SIK3: variants seen among roughly 807,000 people sequenced by gnomAD.
SIK3 encodes the protein SIK family kinase 3.
Under a neutral mutation model 144.2 loss-of-function variants are expected in SIK3, and 28 were observed. The observed-to-expected ratio is 0.19, with a 90% CI of 0.14 to 0.27. SIK3 has a LOEUF of 0.27. Ranked by LOEUF, SIK3 falls within the 10% of genes least tolerant of loss-of-function variation. The pLI, the probability that SIK3 is intolerant of heterozygous loss-of-function variation, is 1.00. For synonymous variants in SIK3, 686 were observed against 676.3 expected (o/e 1.01, Z -0.22); for missense variants, 1,319 against 1,776.0 (o/e 0.74, Z 4.62).
At chr11:116,941,319 T>C (rs1479097951) in intron 3 of SIK3, among the ~76,000 whole-genome samples, 3 of 152,114 alleles carry the variant, frequency 2.0e-5, no homozygotes, top group Admixed American at 2.0e-4. Context: ...AATACCTTTT[T>C]TAATAATCAA....
chr11:116,847,324 C>T lies in SIK3; in HGVS notation c.3952+152G>A, dbSNP rs914251687. 1.5e-5 allele frequency: 16 copies of T among 1,066,892 alleles called. No homozygotes were observed. The Admixed American group carries it at 3.1e-4, about 21-fold the overall frequency. 66.1% of individuals were successfully genotyped at this position (1,066,892 alleles called of 1,614,324 possible). The stretch of plus-strand genomic sequence containing the variant: ...TTACACACCCACACTCAGGGAAGAC[C>T]AGTGGGGAAAGGGGCTGTGTCCAGA... On this transcript the variant is annotated intron_variant, in intron 23 of 24. Coordinates refer to ENST00000445177, the MANE Select transcript of SIK3 (RefSeq NM_001366686.3).
At chr11:117,049,582 A>C (rs1329097551) in intron 1 of SIK3, among the ~76,000 whole-genome samples, 1 of 152,194 alleles carries the variant, frequency 6.6e-6, no homozygotes, top group African/African-American at 2.4e-5. Context: ...CATCTCAAAA[A>C]AAAAGAAAGA....
At chr11:117,058,411 T>A (rs1294050517) in intron 1 of SIK3, among the ~76,000 whole-genome samples, 1 of 150,902 alleles carries the variant, frequency 6.6e-6, no homozygotes, top group East Asian at 2.0e-4. Context: ...TCCCAGCTAC[T>A]CAGGAGGCTG....
chr11:116,876,498 A>G lies in SIK3; in HGVS notation c.985-135T>C, dbSNP rs1944262546. On this transcript the variant is annotated intron_variant, in intron 7 of 24. Coordinates refer to ENST00000445177, the MANE Select transcript of SIK3 (RefSeq NM_001366686.3). ...TGGCCTCAGACAAAGTCTAAGGAAG[A>G]GAGCCCTGAGTGATCAGCTGTAAAC... The G allele has an allele frequency of 5.6e-6, 4 of 717,386 alleles. No individual in the cohort carries two copies. In the Admixed American group the frequency reaches 9.3e-5, roughly 17 times the overall value. 44.4% of individuals were successfully genotyped at this position (717,386 alleles called of 1,614,324 possible).
intron 4 of SIK3, among the ~76,000 whole-genome samples, chr11:116,913,375 A>C (rs367889947): frequency 6.6e-6 from 1 of 152,264 alleles, no homozygotes; most frequent in East Asian, 1.9e-4. Flanking sequence ...TGAGTGACTT[A>C]TGTATTTTTA....
chr11:116,908,461 GGAGT>G (rs997203289), intron 4 of SIK3, among the ~76,000 whole-genome samples: 7 of 151,908 alleles, frequency 4.6e-5, no homozygotes, highest in Non-Finnish European at 7.4e-5. Flanking sequence ...CCTGGGTGAT[GGAGT>G]GAGACCCTAT....
chr11:117,027,784 T>C (rs866573426), intron 1 of SIK3, among the ~76,000 whole-genome samples: 3 of 152,082 alleles, frequency 2.0e-5, no homozygotes, highest in Non-Finnish European at 4.4e-5. Flanking sequence ...GGCTGTTTTC[T>C]AAAACTGACT....
At chr11:116,870,468 A>G (rs1943909909) in intron 13 of SIK3, 67 bp from the exon 14 acceptor site, 1 of 1,607,584 alleles carries the variant, frequency 6.2e-7, no homozygotes, top group Non-Finnish European at 8.5e-7. Context: ...TACTCTAGTA[A>G]CTGGGCTTGG....
intron 1 of SIK3, among the ~76,000 whole-genome samples, chr11:116,976,324 A>G (rs576361081): frequency 7.1e-4 from 108 of 152,340 alleles, no homozygotes; most frequent in African/African-American, 2.5e-3. Context: ...TCTTCTCTTC[A>G]TAAATGTGAG....
chr11:116,963,979 G>A (rs1004269202), intron 1 of SIK3, among the ~76,000 whole-genome samples: 4 of 152,066 alleles, frequency 2.6e-5, no homozygotes, highest in Admixed American at 6.5e-5. Flanking sequence ...GATTAATAAC[G>A]TGCCACATGA....
chr11:116,945,356 T>C (rs1948531357), intron 3 of SIK3, among the ~76,000 whole-genome samples: 1 of 149,036 alleles, frequency 6.7e-6, no homozygotes, highest in Non-Finnish European at 1.5e-5. Context: ...TTCAACTTCA[T>C]CTAGACCTGT....
At chr11:116,939,883 G>T (rs1241061746) in intron 3 of SIK3, among the ~76,000 whole-genome samples, 2 of 152,086 alleles carry the variant, frequency 1.3e-5, no homozygotes, top group East Asian at 3.8e-4. Context: ...TAAAAATTTA[G>T]ATTATAAAAA....
chr11:116,866,029 A>C (rs1011981126), intron 15 of SIK3, among the ~76,000 whole-genome samples: 3 of 152,208 alleles, frequency 2.0e-5, no homozygotes, highest in African/African-American at 4.8e-5. Context: ...GACAGCAGAT[A>C]GATTTCCAGC....
chr11:117,064,748 T>C (rs1953935096), intron 1 of SIK3, among the ~76,000 whole-genome samples: 1 of 152,226 alleles, frequency 6.6e-6, no homozygotes, highest in Non-Finnish European at 1.5e-5. Flanking sequence ...CAAATTGAGC[T>C]CTCTTCAAAC....
Position 116,873,993 on chromosome 11 carries a change from A to T in SIK3, c.1491T>A (p.Ala497=), listed in dbSNP as rs1474158960. Residue 497 remains alanine, a synonymous_variant, in exon 12 of 25, where the codon GCT becomes GCA. Transcript: ENST00000445177. The stretch of plus-strand genomic sequence containing the variant: ...CATTAGGGGCCACCTGCAGGAATGG[A>T]GCCTGGGGGTTGACTCCAGGAAAGC... ...LPGFPGVNPQ[A]PFLQVAPNVN... 6.2e-7 allele frequency: 1 copy of T among 1,614,098 alleles called. No individual in the cohort carries two copies. Among genetic ancestry groups the T allele is most frequent in the South Asian group, 1.1e-5 (1 of 91,074 alleles).
intron 4 of SIK3, among the ~76,000 whole-genome samples, chr11:116,908,086 T>C (rs1055894836): frequency 5.9e-5 from 9 of 151,674 alleles, no homozygotes; most frequent in African/African-American, 2.2e-4. Context: ...GGAAAAGTGG[T>C]AAACTTCGTT....
chr11:117,082,960 A>C (rs1480006677), intron 1 of SIK3, among the ~76,000 whole-genome samples: 1 of 152,214 alleles, frequency 6.6e-6, no homozygotes, highest in Non-Finnish European at 1.5e-5. Context: ...AAAAGGTTCC[A>C]CAAAGAGCTG....
In SIK3 at chr11:116,861,254, G is replaced by A. The variant is rs73590450; in HGVS notation, c.2425+20C>T. On this transcript the variant is annotated intron_variant, in intron 19 of 24. Coordinates refer to ENST00000445177, the MANE Select transcript of SIK3 (RefSeq NM_001366686.3). Reference sequence around the variant, plus strand: ...CATGTGGCATAAAATGAACTGTTTGGTCTGAACCTCTCCACTCACCGTGAG... The same window carrying A: ...CATGTGGCATAAAATGAACTGTTTGATCTGAACCTCTCCACTCACCGTGAG... The A allele has an allele frequency of 2.4e-3, 3,623 of 1,533,110 alleles. 85 individuals carry two copies. The African/African-American group carries it at 0.042, about 18-fold the overall frequency. The allele number at this position is 1,533,110 out of a possible 1,614,324, so 95.0% of individuals were successfully genotyped here.
At chr11:116,929,941 A>T (rs527832363) in intron 3 of SIK3, among the ~76,000 whole-genome samples, 13 of 152,330 alleles carry the variant, frequency 8.5e-5, no homozygotes, top group Non-Finnish European at 1.6e-4. Flanking sequence ...AGGTAGCTGT[A>T]ACAGCGCACT....
Sources: gnomAD v4.1 joint callset for allele counts (sites outside exome capture counted in the v4.1 genomes callset) on GRCh38, gnomAD v4.1.1 for gene constraint, MANE v1.5 for transcripts, NCBI Gene and HGNC (gene_info 2026-07-23, HGNC 2026-07-21) for gene names.